Variants in NRXN1 observed in about 807,000 individuals in gnomAD.
NRXN1 encodes neurexin-1.
NRXN1 carries 39 observed loss-of-function variants against 150.9 expected under a neutral mutation model. That is an observed-to-expected ratio of 0.26 (90% CI 0.20 to 0.34). The LOEUF (loss-of-function observed/expected upper bound fraction) is 0.34. Among genes scored for constraint, NRXN1 ranks in the 10% least tolerant of loss-of-function variants. The pLI is 1.00. For missense variants in NRXN1, 1,815 were observed against 1,949.9 expected (o/e 0.93, Z 1.30); for synonymous variants, 924 against 757.0 (o/e 1.22, Z -3.62).
chr2:50,341,956 G>A (rs1038274140), intron 17 of NRXN1, among the ~76,000 whole-genome samples: 2 of 152,074 alleles, frequency 1.3e-5, no homozygotes, highest in East Asian at 3.9e-4. Flanking sequence ...AATTGAATTT[G>A]CCTCTTTAAG....
intron 5 of NRXN1, among the ~76,000 whole-genome samples, chr2:50,705,802 G>T (rs1458070564): frequency 3.3e-5 from 5 of 152,058 alleles, no homozygotes; most frequent in African/African-American, 2.4e-5. Context: ...CCTAATTCAG[G>T]AATTGCCCTT....
intron 2 of NRXN1, among the ~76,000 whole-genome samples, chr2:51,002,407 T>C (rs1700186788): frequency 6.6e-6 from 1 of 152,014 alleles, no homozygotes; most frequent in Non-Finnish European, 1.5e-5. Context: ...AAACAGAATC[T>C]TATTCAATAT....
At chr2:50,407,034 A>G (rs931544612) in intron 17 of NRXN1, among the ~76,000 whole-genome samples, 1 of 152,200 alleles carries the variant, frequency 6.6e-6, no homozygotes, top group Non-Finnish European at 1.5e-5. Flanking sequence ...ATTGAAAAGG[A>G]AGAAATTTCC....
At chr2:50,664,486 C>A (rs145903672) in intron 5 of NRXN1, among the ~76,000 whole-genome samples, 2 of 148,148 alleles carry the variant, frequency 1.3e-5, no homozygotes, top group African/African-American at 5.0e-5. Context: ...GGGTTTTTTT[C>A]TCTACATTGA....
intron 22 of NRXN1, among the ~76,000 whole-genome samples, chr2:49,922,741 G>A (rs899332754): frequency 1.3e-5 from 2 of 152,114 alleles, no homozygotes; most frequent in Non-Finnish European, 2.9e-5. Flanking sequence ...AAAGAATACA[G>A]TATTGAACAA....
intron 18 of NRXN1, among the ~76,000 whole-genome samples, chr2:50,142,131 G>T (rs981958902): frequency 6.6e-5 from 10 of 152,086 alleles, no homozygotes; most frequent in South Asian, 4.1e-4. Flanking sequence ...TCATAAAAAA[G>T]AATCAAAACC....
chr2:50,799,484 G>A (rs1707287838), intron 5 of NRXN1, among the ~76,000 whole-genome samples: 1 of 152,174 alleles, frequency 6.6e-6, no homozygotes, highest in Non-Finnish European at 1.5e-5. Context: ...TCAGCACATA[G>A]TACAGACAAT....
chr2:50,608,781 C>G lies in NRXN1; in HGVS notation c.1320+11241G>C, dbSNP rs781116890. Reference sequence around the variant, plus strand: ...CTCATATGAGACTCTGCTTGGTTTACAGGTAGTGAACACAGGCAGGGAAGA... The same window carrying G: ...CTCATATGAGACTCTGCTTGGTTTAGAGGTAGTGAACACAGGCAGGGAAGA... On this transcript the variant is annotated intron_variant, in intron 8 of 22. Coordinates refer to ENST00000401669, the MANE Select transcript of NRXN1 (RefSeq NM_001330078.2). Among the ~76,000 whole-genome samples the G allele has an allele frequency of 5.5e-4, 83 of 152,022 alleles. 1 individual carries two copies. The highest frequency in any genetic ancestry group is 1.0e-3 in the Non-Finnish European group (71 of 68,016).
At chr2:50,928,234 C>T (rs1045312390) in intron 2 of NRXN1, among the ~76,000 whole-genome samples, 3 of 151,658 alleles carry the variant, frequency 2.0e-5, no homozygotes, top group East Asian at 3.9e-4. Flanking sequence ...AATCAAAGTA[C>T]TAGAATAAAT....
At chr2:50,070,072 G>T (rs540530452) in intron 19 of NRXN1, among the ~76,000 whole-genome samples, 1 of 151,744 alleles carries the variant, frequency 6.6e-6, no homozygotes, top group Non-Finnish European at 1.5e-5. Flanking sequence ...GGGTGATTTC[G>T]ATCTCCTGAC....
chr2:50,915,609 G>A (rs900114262), intron 5 of NRXN1, among the ~76,000 whole-genome samples: 1 of 151,324 alleles, frequency 6.6e-6, no homozygotes, highest in African/African-American at 2.4e-5. Context: ...ATCAGGACAT[G>A]GGTGTCTAGT....
At chr2:50,294,981 G>A (rs1302963050) in intron 17 of NRXN1, among the ~76,000 whole-genome samples, 2 of 152,130 alleles carry the variant, frequency 1.3e-5, no homozygotes, top group Non-Finnish European at 2.9e-5. Flanking sequence ...GTCCAGCCCT[G>A]GCTATGGACA....
intron 1 of NRXN1, among the ~76,000 whole-genome samples, chr2:51,031,064 A>C (rs529191316): frequency 1.8e-4 from 27 of 152,218 alleles, no homozygotes; most frequent in Non-Finnish European, 3.1e-4. Flanking sequence ...ACATATAGAT[A>C]TATATACATT....
At chr2:50,591,805 C>T (rs1413821451) in intron 8 of NRXN1, among the ~76,000 whole-genome samples, 1 of 152,216 alleles carries the variant, frequency 6.6e-6, no homozygotes, top group African/African-American at 2.4e-5. Flanking sequence ...AGTGTGCATG[C>T]TAAATACAAG....
chr2:49,937,748 T>A (rs536235295), intron 22 of NRXN1, among the ~76,000 whole-genome samples: 39 of 152,306 alleles, frequency 2.6e-4, no homozygotes, highest in Admixed American at 2.5e-3. Flanking sequence ...ATCCTCCATT[T>A]TGACAGCAAT....
chr2:50,614,876 T>A (rs914657951), intron 8 of NRXN1, among the ~76,000 whole-genome samples: 1 of 151,960 alleles, frequency 6.6e-6, no homozygotes, highest in African/African-American at 2.4e-5. Context: ...TTAAGGGGCA[T>A]TTGCAGGAAG....
At chr2:49,941,488 A>T (rs562966641) in intron 22 of NRXN1, among the ~76,000 whole-genome samples, 185 of 152,078 alleles carry the variant, frequency 1.2e-3, no homozygotes, top group Non-Finnish European at 1.7e-3. Context: ...TCAGACCTAT[A>T]AGCAATGGCT....
intron 21 of NRXN1, among the ~76,000 whole-genome samples, chr2:50,013,559 G>C (rs924444108): frequency 6.6e-6 from 1 of 152,004 alleles, no homozygotes; most frequent in Non-Finnish European, 1.5e-5. Flanking sequence ...GCCATGGTTT[G>C]GTTAAAAGCT....
At chr2:50,221,310 G>A (rs1048260952) in intron 18 of NRXN1, among the ~76,000 whole-genome samples, 3 of 151,926 alleles carry the variant, frequency 2.0e-5, no homozygotes, top group Non-Finnish European at 4.4e-5. Flanking sequence ...TTGTCAAATG[G>A]GGCTGCCTGC....
Sources: allele counts gnomAD v4.1 joint callset (sites outside exome capture counted in the v4.1 genomes callset), GRCh38; gene constraint gnomAD v4.1.1; transcripts MANE v1.5; gene names NCBI Gene and HGNC (gene_info 2026-07-23, HGNC 2026-07-21).